The following HDAC4 variants were observed in gnomAD, a reference collection of about 807,000 sequenced individuals.
The protein encoded by HDAC4 is histone deacetylase A.
A neutral mutation model predicts 135.1 loss-of-function variants in HDAC4; 16 were observed. The ratio of observed to expected loss-of-function variants is 0.12; its 90% CI spans 0.08 to 0.18. HDAC4 has a LOEUF of 0.18. HDAC4 is among the 10% of genes least tolerant of loss of function. The pLI is 1.00. For missense variants in HDAC4, 1,143 were observed against 1,511.8 expected, an observed-to-expected ratio of 0.76 and a Z score of 4.05; for synonymous variants, 685 against 653.4, an observed-to-expected ratio of 1.05 and a Z score of -0.74.
intron 2 of HDAC4, among the ~76,000 whole-genome samples, chr2:239,293,171 G>A (rs886697030): frequency 5.9e-5 from 9 of 152,096 alleles, no homozygotes; most frequent in East Asian, 1.9e-4. Flanking sequence ...AGGGCATCCC[G>A]TGAGGAATTT....
chr2:239,065,485 AAGTCCCCCAG>A (rs1348934355), intron 24 of HDAC4, among the ~76,000 whole-genome samples: 1 of 152,136 alleles, frequency 6.6e-6, no homozygotes, highest in Non-Finnish European at 1.5e-5. Flanking sequence ...GCTTCCAGAG[AAGTCCCCCAG>A]AGTGGGGGCT....
intron 2 of HDAC4, among the ~76,000 whole-genome samples, chr2:239,254,393 T>C (rs1423231497): frequency 7.7e-6 from 1 of 129,082 alleles, no homozygotes; most frequent in Non-Finnish European, 1.7e-5. Context: ...ATTAAAACAA[T>C]GTGGAAAAGA....
At chr2:239,229,331 T>C (rs1394031873) in intron 3 of HDAC4, among the ~76,000 whole-genome samples, 1 of 152,172 alleles carries the variant, frequency 6.6e-6, no homozygotes, top group Non-Finnish European at 1.5e-5. Flanking sequence ...GGCAGACTCC[T>C]GCGTCTGGCC....
Position 239,126,603 on chromosome 2 carries a change from C to A in HDAC4, c.1386G>T (p.Arg462=), listed in dbSNP as rs1188043370. 1.9e-6 allele frequency: 3 copies of A among 1,613,824 alleles called. No individual in the cohort carries two copies. The highest frequency in any genetic ancestry group is 2.5e-6 in the Non-Finnish European group (3 of 1,180,014). ...GGGTCCGCCCCAGTGGGCGGTGCTG[C>A]CGCAGCTTGTGGATGGAGGGGGACA... ...DRVSPSIHKL[R]QHRPLGRTQS... Residue 462 remains arginine (R), a synonymous_variant, in exon 12 of 27, where the codon CGG becomes CGT. Transcript: ENST00000543185.
chr2:239,323,002 G>A (rs975142284), intron 2 of HDAC4, among the ~76,000 whole-genome samples: 15 of 152,116 alleles, frequency 9.9e-5, no homozygotes, highest in African/African-American at 3.4e-4. Context: ...TGATGATGAG[G>A]GTGACTCACG....
At position 239,344,260 on chromosome 2, in the gene HDAC4, G is replaced by A. The variant is rs527715390; in HGVS notation, c.22+8418C>T. Reference sequence around the variant, plus strand: ...AATGGTTTCTAATGATTCTCACACCGCGTTTTCTATGTCAAATACATACCG... The same window carrying A: ...AATGGTTTCTAATGATTCTCACACCACGTTTTCTATGTCAAATACATACCG... On this transcript the variant is annotated intron_variant, in intron 2 of 26. Coordinates refer to ENST00000543185, the MANE Select transcript of HDAC4 (RefSeq NM_001378414.1). 3.9e-5 allele frequency among the ~76,000 whole-genome samples: 6 copies of A among 152,182 alleles called. No homozygotes were observed. The East Asian group carries it at 5.8e-4, about 15-fold the overall frequency.
chr2:239,240,815 G>A lies in HDAC4; in HGVS notation c.23-4151C>T, dbSNP rs867758693. Among the ~76,000 whole-genome samples the A allele has an allele frequency of 2.0e-5, 3 of 152,152 alleles. No homozygotes were observed. The highest frequency in any genetic ancestry group is 2.1e-4 in the South Asian group (1 of 4,828). ...TCTTGCCAGGAGTCCCTTTCGCGCC[G>A]ACAGGACCCAGCCTGAACTGAGCAT... On this transcript the variant is annotated intron_variant, in intron 2 of 26. Coordinates refer to ENST00000543185, the MANE Select transcript of HDAC4 (RefSeq NM_001378414.1). This position sits in a 1 kb window ranked among gnomAD's most constrained non-coding sequence, Gnocchi z 4.5.
intron 1 of HDAC4, among the ~76,000 whole-genome samples, chr2:239,354,781 G>A (rs1575740396): frequency 6.6e-6 from 1 of 152,040 alleles, no homozygotes; most frequent in African/African-American, 2.4e-5. Flanking sequence ...TTTGTCTTCA[G>A]GGTCAGAATG....
intron 26 of HDAC4, 143 bp downstream of exon 26, chr2:239,053,317 C>A: frequency 7.6e-7 from 1 of 1,322,364 alleles, no homozygotes; most frequent in Non-Finnish European, 1.0e-6. Flanking sequence ...GGGGCTTTGG[C>A]ACTGGAAGGA....
intron 2 of HDAC4, among the ~76,000 whole-genome samples, chr2:239,269,443 A>G (rs555748776): frequency 6.6e-6 from 1 of 152,356 alleles, no homozygotes; most frequent in East Asian, 1.9e-4. Flanking sequence ...GGCACTGGCC[A>G]GGTAACTCCT....
At chr2:239,134,958 T>G (rs1330009255) in intron 9 of HDAC4, among the ~76,000 whole-genome samples, 1 of 152,250 alleles carries the variant, frequency 6.6e-6, no homozygotes, top group African/African-American at 2.4e-5. Flanking sequence ...TAGGCTAATA[T>G]AGTTTACAAT....
chr2:239,200,444 A>T (rs2045689226), intron 3 of HDAC4, among the ~76,000 whole-genome samples: 1 of 152,210 alleles, frequency 6.6e-6, no homozygotes. Flanking sequence ...AGATATAAAA[A>T]TATTCTGTAG....
At position 239,111,863 on chromosome 2, in the gene HDAC4, G is replaced by A. The variant is rs544461257; in HGVS notation, c.1792-151C>T. 2.5e-4 allele frequency: 182 copies of A among 732,560 alleles called. No individual in the cohort carries two copies. In the African/African-American group the frequency reaches 2.8e-3, roughly 11 times the overall value. 45.4% of individuals were successfully genotyped at this position (732,560 alleles called of 1,614,324 possible). A position where few individuals can be genotyped will look rare whatever the true frequency, so the allele number is the denominator to read the frequency against. On this transcript the variant is annotated intron_variant, in intron 13 of 26. Coordinates refer to ENST00000543185, the MANE Select transcript of HDAC4 (RefSeq NM_001378414.1). ...GCCGGGAGGCCAGCTGCGTGGAGAGGCCTTCCCTGTGAGTGCCCTGAAGCC... is the reference window on the plus strand; with the variant it reads ...GCCGGGAGGCCAGCTGCGTGGAGAGACCTTCCCTGTGAGTGCCCTGAAGCC...
intron 3 of HDAC4, among the ~76,000 whole-genome samples, chr2:239,192,441 A>G (rs753302): frequency 0.19 from 28,319 of 152,200 alleles, 2,640 homozygotes; most frequent in Middle Eastern, 0.23. Context: ...GTTCACCTAC[A>G]TTTGCTTCAG....
intron 2 of HDAC4, among the ~76,000 whole-genome samples, chr2:239,345,204 G>A (rs1055772241): frequency 2.0e-5 from 3 of 152,132 alleles, no homozygotes; most frequent in Non-Finnish European, 4.4e-5. Context: ...CAGAATCAAG[G>A]TCTTGGGTTA....
At chr2:239,375,447 GGATGTGTGAAGC>G (rs1426631111) in intron 1 of HDAC4, among the ~76,000 whole-genome samples, 2 of 152,192 alleles carry the variant, frequency 1.3e-5, no homozygotes, top group Non-Finnish European at 2.9e-5. Flanking sequence ...CCCACCGTGA[GGATGTGTGAAGC>G]GAAGCCCCTG....
chr2:239,204,523 T>G (rs1416024184), intron 3 of HDAC4, among the ~76,000 whole-genome samples: 1 of 152,138 alleles, frequency 6.6e-6, no homozygotes, highest in Non-Finnish European at 1.5e-5. Context: ...TCGGATCACG[T>G]CCAGTGAAAC....
At chr2:239,106,933 A>G (rs1320651970) in intron 15 of HDAC4, among the ~76,000 whole-genome samples, 1 of 152,102 alleles carries the variant, frequency 6.6e-6, no homozygotes, top group Non-Finnish European at 1.5e-5. Flanking sequence ...TATCTGTAGG[A>G]TGGTGGGATT....
At chr2:239,217,711 G>A (rs1364957884) in intron 3 of HDAC4, among the ~76,000 whole-genome samples, 1 of 152,102 alleles carries the variant, frequency 6.6e-6, no homozygotes, top group Non-Finnish European at 1.5e-5. Flanking sequence ...AGAAGGAAAA[G>A]AAACCACACA....
Sources: gnomAD v4.1 joint callset for allele counts (sites outside exome capture counted in the v4.1 genomes callset) on GRCh38, gnomAD v4.1.1 for gene constraint, Gnocchi (gnomAD v3.1) non-coding constraint, MANE v1.5 for transcripts, NCBI Gene and HGNC (gene_info 2026-07-23, HGNC 2026-07-21) for gene names.